AUTS2: variants seen among roughly 807,000 people sequenced by gnomAD.
AUTS2 encodes activator of transcription and developmental regulator AUTS2.
Under a neutral mutation model 112.4 loss-of-function variants are expected in AUTS2, and 17 were observed. The ratio of observed to expected loss-of-function variants is 0.15; its 90% confidence interval spans 0.10 to 0.23. The LOEUF is 0.23. Among genes scored for constraint, AUTS2 ranks in the 10% least tolerant of loss-of-function variants. AUTS2 has a pLI of 1.00. For synonymous variants in AUTS2, 751 were observed against 702.7 expected, an observed-to-expected ratio of 1.07 and a Z score of -1.09; for missense variants, 1,510 against 1,701.6, an observed-to-expected ratio of 0.89 and a Z score of 1.98.
rs1319853511 is a variant in AUTS2 at position 70,764,949 on chromosome 7, C to T, written c.1412C>T (p.Pro471Leu). Residue 471 changes from proline (P) to leucine (L), a missense_variant, in exon 8 of 19, where the codon CCA (proline) becomes CTA (leucine). Transcript: ENST00000342771. Reference sequence around the variant, plus strand: ...CCCACTGCTCTGCCTCCTCCACCACCACTGACATCAGGAAGTCTGCAGGTG... The same window carrying T: ...CCCACTGCTCTGCCTCCTCCACCACTACTGACATCAGGAAGTCTGCAGGTG... ...APPTALPPPP[P>L]LTSGSLQVAG... 1 of 1,613,396 alleles carries T rather than the reference C, an allele frequency of 6.2e-7. No homozygotes were observed. Among genetic ancestry groups the T allele is most frequent in the African/African-American group, 1.3e-5 (1 of 74,664 alleles).
At position 70,070,658 on chromosome 7, in the gene AUTS2, G is replaced by A. The variant is rs985189426; in HGVS notation, c.523-47474G>A. Reference sequence around the variant, plus strand: ...AGGAGGGTGGATCATGAGGTCAAGAGATCGAGACCATCCATGGCTAACACG... The same window carrying A: ...AGGAGGGTGGATCATGAGGTCAAGAAATCGAGACCATCCATGGCTAACACG... On this transcript the variant is annotated intron_variant, in intron 2 of 18. Transcript: ENST00000342771. 1.3e-4 allele frequency among the ~76,000 whole-genome samples: 20 copies of A among 152,152 alleles called. 1 individual carries two copies. Among genetic ancestry groups the A allele is most frequent in the African/African-American group, 4.8e-4 (20 of 41,448 alleles).
Position 70,793,471 on chromosome 7 carries a change from A to G in AUTS2, c.*2475A>G, listed in dbSNP as rs986131388. On this transcript the variant is annotated 3_prime_UTR_variant, in exon 19 of 19. Coordinates refer to ENST00000342771, the MANE Select transcript of AUTS2 (RefSeq NM_015570.4). The stretch of plus-strand genomic sequence containing the variant: ...TTGTTTTTTTCCATGATGTTAAAAA[A>G]ACAAAAAAATGTTAAATTTTCTTAT... 6.6e-6 allele frequency: 1 copy of G among 152,186 alleles called. No individual in the cohort carries two copies. The highest frequency in any genetic ancestry group is 1.5e-5 in the Non-Finnish European group (1 of 68,042). 9.4% of individuals were successfully genotyped at this position (152,186 alleles called of 1,614,324 possible). A position where few individuals can be genotyped will look rare whatever the true frequency, so the allele number is the denominator to read the frequency against.
Position 70,790,474 on chromosome 7 carries a change from G to A in AUTS2, c.3258G>A (p.Arg1086=). 6.2e-7 allele frequency: 1 copy of A among 1,612,358 alleles called. No individual in the cohort carries two copies. Among genetic ancestry groups the A allele is most frequent in the Non-Finnish European group, 8.5e-7 (1 of 1,179,272 alleles). Reference sequence around the variant, plus strand: ...CTTACCGAGAACTTGACATTCACCGGAGAGACCCGCTGGGCAGGGACTTCC... The same window carrying A: ...CTTACCGAGAACTTGACATTCACCGAAGAGACCCGCTGGGCAGGGACTTCC... The part of the protein sequence containing the change: ...RDPYRELDIH[R]RDPLGRDFLL... The change falls in exon 19 of 19, where the codon CGG becomes CGA. Residue 1086 remains arginine, a synonymous_variant. Transcript: ENST00000342771. This position sits in a 1 kb window ranked among gnomAD's most constrained non-coding sequence, Gnocchi z 7.6.
At chr7:70,710,389 C>T (rs1378145357) in intron 6 of AUTS2, among the ~76,000 whole-genome samples, 1 of 152,176 alleles carries the variant, frequency 6.6e-6, no homozygotes, top group African/African-American at 2.4e-5. Flanking sequence ...AAGAATGTCA[C>T]CACCCTCCCA....
intron 1 of AUTS2, among the ~76,000 whole-genome samples, chr7:69,608,692 A>G (rs1174200759): frequency 6.6e-6 from 1 of 152,244 alleles, no homozygotes; most frequent in Non-Finnish European, 1.5e-5. Flanking sequence ...TAGAAATTGC[A>G]GTGACTTCCA....
intron 4 of AUTS2, among the ~76,000 whole-genome samples, chr7:70,352,167 G>A (rs779472916): frequency 1.3e-5 from 2 of 152,104 alleles, no homozygotes; most frequent in African/African-American, 2.4e-5. Context: ...TAAGGAACTC[G>A]CTCAAAATGT....
intron 2 of AUTS2, among the ~76,000 whole-genome samples, chr7:69,929,300 T>A (rs1325780613): frequency 6.6e-6 from 1 of 152,162 alleles, no homozygotes; most frequent in Non-Finnish European, 1.5e-5. Context: ...TTCTCTCTAG[T>A]GCTGCTTTTG....
At chr7:70,091,079 A>T (rs1308565006) in intron 2 of AUTS2, among the ~76,000 whole-genome samples, 1 of 152,222 alleles carries the variant, frequency 6.6e-6, no homozygotes, top group Admixed American at 6.5e-5. Context: ...AAGACATGTT[A>T]GTTGTGCATA....
intron 5 of AUTS2, among the ~76,000 whole-genome samples, chr7:70,625,501 G>A (rs1391148283): frequency 6.6e-6 from 1 of 152,212 alleles, no homozygotes; most frequent in Non-Finnish European, 1.5e-5. Context: ...CTACAGGCAT[G>A]TGAATATTCT....
intron 10 of AUTS2, among the ~76,000 whole-genome samples, chr7:70,769,125 T>C (rs1359835346): frequency 6.6e-6 from 1 of 152,058 alleles, no homozygotes; most frequent in African/African-American, 2.4e-5. Flanking sequence ...CAATTGAAAA[T>C]TATGTACTCT....
In AUTS2 at chr7:70,142,692, A is replaced by G. The variant is rs1806928842; in HGVS notation, c.660+8121A>G. On this transcript the variant is annotated intron_variant, in intron 4 of 18. Coordinates refer to ENST00000342771, the MANE Select transcript of AUTS2 (RefSeq NM_015570.4). ...TCCATAGCTAGTAGATTGATCATAG[A>G]GATGAAGCGGTAAAGGCTTTAGCAC... 3.3e-5 allele frequency among the ~76,000 whole-genome samples: 5 copies of G among 152,320 alleles called. No individual in the cohort carries two copies. The South Asian group carries it at 1.0e-3, about 32-fold the overall frequency.
At chr7:70,778,527 G>A (rs925831550) in intron 14 of AUTS2, among the ~76,000 whole-genome samples, 2 of 151,390 alleles carry the variant, frequency 1.3e-5, no homozygotes. Flanking sequence ...CCTTGAGCCT[G>A]GGAGTTTGAG....
chr7:70,594,086 G>A (rs1803080301), intron 5 of AUTS2, among the ~76,000 whole-genome samples: 1 of 152,154 alleles, frequency 6.6e-6, no homozygotes, highest in African/African-American at 2.4e-5. Flanking sequence ...CTCAAAGTCA[G>A]AAGAAGAATA....
chr7:70,207,667 A>G (rs531846413), intron 4 of AUTS2, among the ~76,000 whole-genome samples: 13 of 152,294 alleles, frequency 8.5e-5, no homozygotes, highest in Non-Finnish European at 1.9e-4. Flanking sequence ...GAATTCAGTT[A>G]GATTATGCAT....
chr7:69,712,737 G>A (rs894064958), intron 1 of AUTS2, among the ~76,000 whole-genome samples: 1 of 152,080 alleles, frequency 6.6e-6, no homozygotes, highest in African/African-American at 2.4e-5. Flanking sequence ...GGGTGATTAT[G>A]TAGGGTGGAA....
At chr7:70,623,873 A>G (rs1804803526) in intron 5 of AUTS2, among the ~76,000 whole-genome samples, 1 of 147,944 alleles carries the variant, frequency 6.8e-6, no homozygotes, top group African/African-American at 2.7e-5. Flanking sequence ...CCACAATTCA[A>G]AGTGTTCTCT....
chr7:70,239,051 C>T (rs1208644864), intron 4 of AUTS2, among the ~76,000 whole-genome samples: 1 of 152,194 alleles, frequency 6.6e-6, no homozygotes, highest in Non-Finnish European at 1.5e-5. Flanking sequence ...TTTCGTTGAG[C>T]AGATACTATT....
chr7:70,256,467 A>G (rs1269100944), intron 4 of AUTS2, among the ~76,000 whole-genome samples: 2 of 152,188 alleles, frequency 1.3e-5, no homozygotes, highest in East Asian at 1.9e-4. Context: ...CCCATGGTCC[A>G]TAGTTACAAA....
intron 4 of AUTS2, among the ~76,000 whole-genome samples, chr7:70,312,813 T>A (rs927261271): frequency 5.3e-5 from 8 of 152,240 alleles, no homozygotes; most frequent in Non-Finnish European, 8.8e-5. Flanking sequence ...TGAAGGCAGA[T>A]AGTGTAACTA....
Sources: allele counts gnomAD v4.1 joint callset (sites outside exome capture counted in the v4.1 genomes callset), GRCh38; gene constraint gnomAD v4.1.1; non-coding constraint Gnocchi (gnomAD v3.1); transcripts MANE v1.5; gene names NCBI Gene and HGNC (gene_info 2026-07-23, HGNC 2026-07-21).